Variants in CCKBR observed in about 807,000 individuals in gnomAD.
CCKBR encodes cholecystokinin B receptor.
In CCKBR, 33 loss-of-function variants were observed where a neutral mutation model predicts 34.6. That is an observed-to-expected ratio of 0.95 (90% confidence interval 0.72 to 1.27). The LOEUF (loss-of-function observed/expected upper bound fraction) is 1.27, where lower values mean the gene tolerates loss of function less well. Ranked by LOEUF, CCKBR falls within the 50% of genes most tolerant of loss-of-function variation. CCKBR has a pLI of 0.00. For synonymous variants in CCKBR, 269 were observed against 267.5 expected (o/e 1.01, Z -0.06); for missense variants, 652 against 617.4 (o/e 1.06, Z -0.59).
chr11:6,260,580 C>T (rs181203310), intron 1 of CCKBR, among the ~76,000 whole-genome samples: 146 of 152,274 alleles, frequency 9.6e-4, no homozygotes, highest in Non-Finnish European at 1.2e-3. Context: ...CACCCCAGCC[C>T]CCAGCCATCC....
Position 6,271,170 on chromosome 11 carries a change from A to G in CCKBR, c.971A>G (p.Lys324Arg). Residue 324 changes from lysine to arginine, a missense_variant, in exon 5 of 5, where the codon AAG becomes AGG. Coordinates refer to ENST00000334619, the MANE Select transcript of CCKBR (RefSeq NM_176875.4). ...PGSGSRPTQA[K>R]LLAKKRVVRM... ...TCCGGCTCCCGGCCCACCCAGGCCA[A>G]GCTGCTGGCTAAGAAGCGCGTGGTG... 6.2e-7 allele frequency: 1 copy of G among 1,614,152 alleles called. No individual in the cohort carries two copies. Among genetic ancestry groups the G allele is most frequent in the Non-Finnish European group, 8.5e-7 (1 of 1,179,990 alleles).
chr11:6,271,162 C>T lies in CCKBR; in HGVS notation c.963C>T (p.Thr321=), dbSNP rs764032535. The T allele has an allele frequency of 4.3e-6, 7 of 1,614,200 alleles. No individual in the cohort carries two copies. The highest frequency in any genetic ancestry group is 1.6e-4 in the Middle Eastern group (1 of 6,062). ...GGCCGGGATCCGGCTCCCGGCCCAC[C>T]CAGGCCAAGCTGCTGGCTAAGAAGC... The part of the protein sequence containing the change: ...APGPGSGSRP[T]QAKLLAKKRV... The change falls in exon 5 of 5, where the codon ACC becomes ACT. Residue 321 remains threonine, a synonymous_variant. Coordinates refer to ENST00000334619, the MANE Select transcript of CCKBR (RefSeq NM_176875.4).
At chr11:6,264,696 C>T in intron 1 of CCKBR, 2 of 581,414 alleles carry the variant, frequency 3.4e-6, no homozygotes, top group Admixed American at 3.1e-5. Context: ...TGTCATCACT[C>T]ATATTCCACC....
At chr11:6,263,243 C>T (rs957105237) in intron 1 of CCKBR, among the ~76,000 whole-genome samples, 4 of 152,124 alleles carry the variant, frequency 2.6e-5, no homozygotes, top group Admixed American at 2.0e-4. Context: ...TAATATTGTC[C>T]GAAGTCATTT....
chr11:6,260,360 C>T (rs572196413), intron 1 of CCKBR, among the ~76,000 whole-genome samples: 1 of 152,250 alleles, frequency 6.6e-6, no homozygotes, highest in Non-Finnish European at 1.5e-5. Flanking sequence ...TTCCCCAACA[C>T]GCAGCCCCTC....
Position 6,266,304 on chromosome 11 carries a change from A to C in CCKBR, c.152-3365A>C, listed in dbSNP as rs1046790083. 2.6e-5 allele frequency among the ~76,000 whole-genome samples: 4 copies of C among 152,246 alleles called. No homozygotes were observed. The East Asian group carries it at 5.8e-4, about 22-fold the overall frequency. On this transcript the variant is annotated intron_variant, in intron 1 of 4. Coordinates refer to ENST00000334619, the MANE Select transcript of CCKBR (RefSeq NM_176875.4). ...TCGGGAGTTCGAGACCAGCCTTACCAATATGGAGAAACCCATCTCTACTAA... is the reference window on the plus strand; with the variant it reads ...TCGGGAGTTCGAGACCAGCCTTACCCATATGGAGAAACCCATCTCTACTAA...
rs777419612 is a variant in CCKBR, at chr11:6,271,552, G to T, written c.*9G>T. ...CACTGGGCCCTGGCTGAGGAGTAGA[G>T]GGGCCGTGGGGGTTGAGGCAGGGCA... On this transcript the variant is annotated 3_prime_UTR_variant, in exon 5 of 5. Coordinates refer to ENST00000334619, the MANE Select transcript of CCKBR (RefSeq NM_176875.4). 5 of 1,570,392 alleles carry T rather than the reference G, an allele frequency of 3.2e-6. No individual in the cohort carries two copies. The highest frequency in any genetic ancestry group is 4.3e-6 in the Non-Finnish European group (5 of 1,159,850).
intron 1 of CCKBR, among the ~76,000 whole-genome samples, 200 bp from the exon 2 acceptor site, chr11:6,269,469 G>T (rs1179624868): frequency 6.6e-6 from 1 of 152,142 alleles, no homozygotes; most frequent in East Asian, 1.9e-4. Context: ...TCTTAAGGAA[G>T]GGCAGAGTTG....
chr11:6,259,971 C>A lies in CCKBR; in HGVS notation c.43C>A (p.Pro15Thr). 6.4e-7 allele frequency: 1 copy of A among 1,553,772 alleles called. No individual in the cohort carries two copies. Residue 15 changes from proline (P) to threonine (T), a missense_variant, in exon 1 of 5, where the codon CCC (proline) becomes ACC (threonine). Physicochemically the swap from Pro to Thr is conservative, Grantham distance 38 (BLOSUM62 -1). Transcript: ENST00000334619. ...GAACCGGAGCGTGCAGGGAACCGGA[C>A]CCGGGCCGGGGGCTTCCCTGTGCCG... ...KLNRSVQGTG[P>T]GPGASLCRPG...
At chr11:6,262,722 G>GAGAGAGAGAGAGAA (rs377114173) in intron 1 of CCKBR, among the ~76,000 whole-genome samples, 272 of 119,118 alleles carry the variant, frequency 2.3e-3, no homozygotes, top group African/African-American at 6.4e-3. Context: ...GAGAGAGAGA[G>GAGAGAGAGAGAGAA]AGAAAGAAAA....
Position 6,269,695 on chromosome 11 carries a change from CTT to C in CCKBR, c.180_181del (p.Tyr61ArgfsTer191), listed in dbSNP as rs1848262062. 6.2e-7 allele frequency: 1 copy of C among 1,613,872 alleles called. No individual in the cohort carries two copies. Among genetic ancestry groups the C allele is most frequent in the African/African-American group, 1.3e-5 (1 of 74,918 alleles). On this transcript the variant is annotated frameshift_variant, in exon 2 of 5. Transcript: ENST00000334619. LOFTEE classifies it high-confidence loss of function. ...ATTGGAGCTGGCCATTAGAATCACT[CTT>C]TACGCAGTGATCTTCCTGATGAGCG... Reference protein sequence around the residue: ...RELELAIRITLYAVIFLMSVG... With the variant: ...RELELAIRITXYAVIFLMSVG...
intron 1 of CCKBR, chr11:6,264,728 C>T: frequency 3.5e-6 from 1 of 285,192 alleles, no homozygotes; most frequent in Admixed American, 5.5e-5. Context: ...CATCAATACA[C>T]ACACACACAC....
Position 6,271,421 on chromosome 11 carries a change from T to C in CCKBR, c.1222T>C (p.Cys408Arg). 6.2e-7 allele frequency: 1 copy of C among 1,613,814 alleles called. No homozygotes were observed. Among genetic ancestry groups the C allele is most frequent in the South Asian group, 1.1e-5 (1 of 91,084 alleles). ...GGCCTGCCTGGAAACTTGCGCTCGC[T>C]GCTGCCCCCGGCCTCCACGAGCTCG... ...RQACLETCAR[C>R]CPRPPRARPR... Residue 408 changes from cysteine to arginine, a missense_variant, in exon 5 of 5, where the codon TGC becomes CGC. By Grantham distance (180) the Cys-to-Arg change is radical. Transcript: ENST00000334619.
At chr11:6,262,697 A>AGG (rs1322143265) in intron 1 of CCKBR, among the ~76,000 whole-genome samples, 1 of 121,194 alleles carries the variant, frequency 8.3e-6, no homozygotes. Flanking sequence ...AGAGAGAGAG[A>AGG]GAGAGAGAGA....
chr11:6,271,553 G>T lies in CCKBR; in HGVS notation c.*10G>T, dbSNP rs201108874. On this transcript the variant is annotated 3_prime_UTR_variant, in exon 5 of 5. Coordinates refer to ENST00000334619, the MANE Select transcript of CCKBR (RefSeq NM_176875.4). Reference sequence around the variant, plus strand: ...ACTGGGCCCTGGCTGAGGAGTAGAGGGGCCGTGGGGGTTGAGGCAGGGCAA... The same window carrying T: ...ACTGGGCCCTGGCTGAGGAGTAGAGTGGCCGTGGGGGTTGAGGCAGGGCAA... 1.3e-6 allele frequency: 2 copies of T among 1,570,044 alleles called. No homozygotes were observed. The highest frequency in any genetic ancestry group is 1.1e-5 in the South Asian group (1 of 87,072).
intron 1 of CCKBR, among the ~76,000 whole-genome samples, chr11:6,260,893 T>C (rs554052697): frequency 6.6e-6 from 1 of 152,088 alleles, no homozygotes; most frequent in Non-Finnish European, 1.5e-5. Context: ...GGAAGTCCCA[T>C]GAAAGGGTCT....
intron 1 of CCKBR, among the ~76,000 whole-genome samples, chr11:6,260,899 G>T (rs1848119698): frequency 1.3e-5 from 2 of 152,144 alleles, no homozygotes; most frequent in Non-Finnish European, 2.9e-5. Flanking sequence ...CCCATGAAAG[G>T]GTCTAAACTG....
intron 1 of CCKBR, among the ~76,000 whole-genome samples, chr11:6,262,722 G>GAGAGAA (rs377114173): frequency 0.061 from 7,194 of 118,188 alleles, 289 homozygotes; most frequent in East Asian, 0.17. Context: ...GAGAGAGAGA[G>GAGAGAA]AGAAAGAAAA....
chr11:6,268,586 T>C (rs1004538117), intron 1 of CCKBR, among the ~76,000 whole-genome samples: 3 of 152,188 alleles, frequency 2.0e-5, no homozygotes, highest in African/African-American at 7.2e-5. Context: ...TCACTCCTTA[T>C]CACATCTGTT....
Sources: gnomAD v4.1 joint callset for allele counts (sites outside exome capture counted in the v4.1 genomes callset) on GRCh38, gnomAD v4.1.1 for gene constraint, MANE v1.5 for transcripts, NCBI Gene and HGNC (gene_info 2026-07-23, HGNC 2026-07-21) for gene names.